The following IFT52 variants were observed in gnomAD, a reference collection of about 807,000 sequenced individuals.
The protein encoded by IFT52 is intraflagellar transport protein 52 homolog.
A neutral mutation model predicts 54.4 loss-of-function variants in IFT52; 44 were observed. That is an observed-to-expected ratio of 0.81 (90% CI 0.63 to 1.04). The LOEUF is 1.04. Among genes scored for constraint, IFT52 ranks in the 50% least tolerant of loss-of-function variants. IFT52 has a pLI of 0.00. For synonymous variants in IFT52, 181 were observed against 185.3 expected (o/e 0.98, Z 0.19); for missense variants, 452 against 523.6 (o/e 0.86, Z 1.33).
chr20:43,646,337 G>T (rs1407108232), intron 13 of IFT52, among the ~76,000 whole-genome samples: 1 of 152,302 alleles, frequency 6.6e-6, no homozygotes, highest in African/African-American at 2.4e-5. Flanking sequence ...AGACCAATTA[G>T]GTTCTGAGCC....
chr20:43,613,663 T>C (rs1270857142), intron 6 of IFT52, among the ~76,000 whole-genome samples, 187 bp from the exon 7 acceptor site: 1 of 152,168 alleles, frequency 6.6e-6, no homozygotes, highest in Non-Finnish European at 1.5e-5. Context: ...GCACTGAGGC[T>C]GCAGAACAGC....
chr20:43,600,558 C>A (rs1472050271), intron 3 of IFT52, among the ~76,000 whole-genome samples: 2 of 152,168 alleles, frequency 1.3e-5, no homozygotes. Context: ...CCCGCCTTGG[C>A]CTCTGGTAAA....
At chr20:43,632,407 C>T (rs753273684) in intron 10 of IFT52, among the ~76,000 whole-genome samples, 17 of 151,812 alleles carry the variant, frequency 1.1e-4, no homozygotes, top group African/African-American at 2.4e-4. Flanking sequence ...ATTACAGGCA[C>T]GCGCCACCAC....
rs778474787 is a variant in IFT52 at position 43,635,993 on chromosome 20, C to G, written c.991C>G (p.Leu331Val). ...CATCCAGCCTCAGTTTGAGACGCCG[C>G]TGCCAACCCTTCAGCCTGCGGTGAG... ...QLIQPQFETP[L>V]PTLQPAVFPP... is the part of the protein sequence containing the mutation. The change falls in exon 11 of 14, where the codon CTG becomes GTG. Residue 331 changes from leucine to valine, a missense_variant. Physicochemically the swap from Leu to Val is conservative, Grantham distance 32. Transcript: ENST00000373030. 1.9e-6 allele frequency: 3 copies of G among 1,614,208 alleles called. No individual in the cohort carries two copies. The highest frequency in any genetic ancestry group is 2.2e-5 in the South Asian group (2 of 91,088).
intron 10 of IFT52, among the ~76,000 whole-genome samples, chr20:43,629,588 A>C (rs1269455018): frequency 6.6e-6 from 1 of 152,164 alleles, no homozygotes; most frequent in East Asian, 1.9e-4. Context: ...TAAGTTTTAC[A>C]GACATTGAAC....
chr20:43,610,514 A>T (rs1383713217), intron 6 of IFT52, among the ~76,000 whole-genome samples: 1 of 151,996 alleles, frequency 6.6e-6, no homozygotes, highest in African/African-American at 2.4e-5. Flanking sequence ...CAGGCAGATC[A>T]CGAGGTCAGG....
chr20:43,647,044 A>T lies in IFT52; in HGVS notation c.*61A>T. 1 of 1,451,830 alleles carries T rather than the reference A, an allele frequency of 6.9e-7. No individual in the cohort carries two copies. The highest frequency in any genetic ancestry group is 9.7e-7 in the Non-Finnish European group (1 of 1,033,452). The allele number at this position is 1,451,830 out of a possible 1,614,324, so 89.9% of individuals were successfully genotyped here. Reference sequence around the variant, plus strand: ...TTCTCTCTTTGTAAACTATTTTCAAATTGTTTTTCAACTCCTTATCAAAAT... The same window carrying T: ...TTCTCTCTTTGTAAACTATTTTCAATTTGTTTTTCAACTCCTTATCAAAAT... On this transcript the variant is annotated 3_prime_UTR_variant, in exon 14 of 14. Coordinates refer to ENST00000373030, the MANE Select transcript of IFT52 (RefSeq NM_016004.5).
intron 13 of IFT52, among the ~76,000 whole-genome samples, chr20:43,646,641 T>C (rs1043914610): frequency 5.3e-5 from 8 of 152,136 alleles, no homozygotes; most frequent in African/African-American, 1.7e-4. Context: ...GGTGGCATGC[T>C]AGGACAGACA....
intron 6 of IFT52, among the ~76,000 whole-genome samples, chr20:43,609,205 G>A (rs1389838516): frequency 6.6e-6 from 1 of 152,110 alleles, no homozygotes; most frequent in African/African-American, 2.4e-5. Flanking sequence ...TCATGCCACT[G>A]TACTCCAGCC....
chr20:43,627,716 G>A (rs781770989), intron 10 of IFT52, among the ~76,000 whole-genome samples: 1 of 152,006 alleles, frequency 6.6e-6, no homozygotes, highest in Admixed American at 6.6e-5. Context: ...TGGGAAAGGG[G>A]GTTTGGTAAG....
Position 43,647,193 on chromosome 20 carries a change from G to C in IFT52, c.*210G>C, listed in dbSNP as rs1343017774. 1.1e-5 allele frequency: 6 copies of C among 568,296 alleles called. No individual in the cohort carries two copies. The East Asian group carries it at 1.7e-4, about 16-fold the overall frequency. The allele number at this position is 568,296 out of a possible 1,614,324, so 35.2% of individuals were successfully genotyped here. On this transcript the variant is annotated 3_prime_UTR_variant, in exon 14 of 14. Coordinates refer to ENST00000373030, the MANE Select transcript of IFT52 (RefSeq NM_016004.5). ...TACATTCCATTTTTAAAAATTAAAT[G>C]TATGGTTGCATCTGTCTTTTTATAC...
chr20:43,642,513 G>A lies in IFT52; in HGVS notation c.1155G>A (p.Lys385=). The A allele has an allele frequency of 6.2e-7, 1 of 1,614,136 alleles. No homozygotes were observed. Among genetic ancestry groups the A allele is most frequent in the Non-Finnish European group, 8.5e-7 (1 of 1,179,976 alleles). ...TEEDLEFYVR[K]CGDILGVTSK... Reference sequence around the variant, plus strand: ...AAGACCTGGAATTTTATGTCAGGAAGTGTGGTGATATTCTTGGAGTAACCA... The same window carrying A: ...AAGACCTGGAATTTTATGTCAGGAAATGTGGTGATATTCTTGGAGTAACCA... Residue 385 remains lysine (K), a synonymous_variant, in exon 13 of 14, where the codon AAG becomes AAA. Coordinates refer to ENST00000373030, the MANE Select transcript of IFT52 (RefSeq NM_016004.5).
chr20:43,604,084 C>A, intron 4 of IFT52, 99 bp from the exon 5 acceptor site: 1 of 1,063,486 alleles, frequency 9.4e-7, no homozygotes, highest in Non-Finnish European at 1.4e-6. Context: ...GGATTGGAAC[C>A]AAGTTCCAGG....
chr20:43,609,546 C>T (rs1372278532), intron 6 of IFT52, among the ~76,000 whole-genome samples: 3 of 151,922 alleles, frequency 2.0e-5, no homozygotes, highest in Non-Finnish European at 4.4e-5. Context: ...CCGAGGTGGG[C>T]GGATCACCTG....
chr20:43,638,233 C>A (rs1250700534), intron 12 of IFT52, among the ~76,000 whole-genome samples: 6 of 151,740 alleles, frequency 4.0e-5, no homozygotes. Context: ...TCTTGTCGCC[C>A]AGCCTTGGGT....
At position 43,601,515 on chromosome 20, in the gene IFT52, G is replaced by A. The variant is rs144394253; in HGVS notation, c.208-2245G>A. Among the ~76,000 whole-genome samples, 18 of 152,302 alleles carry A rather than the reference G, an allele frequency of 1.2e-4. 1 individual carries two copies. In the East Asian group the frequency reaches 3.3e-3, roughly 28 times the overall value. ...GCTCCTTCAACTTTTGCCCACCTGT[G>A]TTATTGCACACCACATCCTTCATGT... On this transcript the variant is annotated intron_variant, in intron 3 of 13. Transcript: ENST00000373030.
chr20:43,632,328 T>A (rs1472075446), intron 10 of IFT52, among the ~76,000 whole-genome samples: 1 of 151,220 alleles, frequency 6.6e-6, no homozygotes, highest in East Asian at 1.9e-4. Flanking sequence ...TGGTGCAGTC[T>A]CGGTTCACTG....
At chr20:43,638,945 A>G (rs949496648) in intron 12 of IFT52, among the ~76,000 whole-genome samples, 1 of 152,190 alleles carries the variant, frequency 6.6e-6, no homozygotes, top group Non-Finnish European at 1.5e-5. Context: ...CCTTTACTGC[A>G]TCTCTCTTCT....
At chr20:43,616,877 G>C (rs1390503590) in intron 7 of IFT52, among the ~76,000 whole-genome samples, 1 of 152,006 alleles carries the variant, frequency 6.6e-6, no homozygotes, top group Non-Finnish European at 1.5e-5. Context: ...GCTGAGTGTG[G>C]TGTTATGCTC....
Sources: allele counts gnomAD v4.1 joint callset (sites outside exome capture counted in the v4.1 genomes callset), GRCh38; gene constraint gnomAD v4.1.1; transcripts MANE v1.5; gene names NCBI Gene and HGNC (gene_info 2026-07-23, HGNC 2026-07-21).